LYPD6: variants seen among roughly 807,000 people sequenced by gnomAD.
LYPD6 encodes ly6/PLAUR domain-containing protein 6.
Under a neutral mutation model 22.7 loss-of-function variants are expected in LYPD6, and 15 were observed. That is an observed-to-expected ratio of 0.66 (90% confidence interval 0.44 to 1.02). The LOEUF is 1.02. LYPD6 is among the 50% of genes least tolerant of loss of function. LYPD6 has a pLI of 0.00. For synonymous variants in LYPD6, 72 were observed against 77.5 expected (o/e 0.93, Z 0.37); for missense variants, 189 against 208.4 (o/e 0.91, Z 0.57).
chr2:149,381,541 G>C (rs1682064343), intron 1 of LYPD6, among the ~76,000 whole-genome samples: 1 of 152,166 alleles, frequency 6.6e-6, no homozygotes, highest in African/African-American at 2.4e-5. Flanking sequence ...AGTGAAGTCA[G>C]AAAACAGGTC....
chr2:149,437,880 G>A, intron 2 of LYPD6, 54 bp downstream of exon 2: 1 of 1,597,936 alleles, frequency 6.3e-7, no homozygotes, highest in East Asian at 2.2e-5. Flanking sequence ...ATAAGAAGTG[G>A]TTCAAAAACT....
intron 1 of LYPD6, among the ~76,000 whole-genome samples, chr2:149,399,804 A>G (rs1387449962): frequency 6.6e-6 from 1 of 152,108 alleles, no homozygotes; most frequent in Non-Finnish European, 1.5e-5. Flanking sequence ...ACAGTCTAAC[A>G]CACCCAAAAT....
intron 1 of LYPD6, among the ~76,000 whole-genome samples, chr2:149,346,384 T>A (rs970151191): frequency 6.6e-6 from 1 of 152,218 alleles, no homozygotes; most frequent in Non-Finnish European, 1.5e-5. Flanking sequence ...GGGAGAGACC[T>A]GAGTCCTCTC....
intron 3 of LYPD6, among the ~76,000 whole-genome samples, chr2:149,459,384 G>A (rs1282388929): frequency 1.3e-5 from 2 of 152,158 alleles, no homozygotes; most frequent in Non-Finnish European, 2.9e-5. Flanking sequence ...TACCTTAAAA[G>A]AATGGCTGAA....
At chr2:149,360,886 A>G (rs931701646) in intron 1 of LYPD6, among the ~76,000 whole-genome samples, 9 of 152,112 alleles carry the variant, frequency 5.9e-5, no homozygotes, top group African/African-American at 2.2e-4. Context: ...AGCCCATTCA[A>G]TGTTCCTAAT....
At chr2:149,457,099 G>A (rs1478509855) in intron 3 of LYPD6, among the ~76,000 whole-genome samples, 1 of 152,182 alleles carries the variant, frequency 6.6e-6, no homozygotes. Flanking sequence ...CTTGTTGGAT[G>A]TATATTGAGG....
downstream of LYPD6, among the ~76,000 whole-genome samples, chr2:149,478,399 T>TGTGTGTGTGCGC (rs1491190671): frequency 1.1e-4 from 16 of 149,980 alleles, no homozygotes; most frequent in African/African-American, 2.0e-4. Context: ...TGTGTGTGTG[T>TGTGTGTGTGCGC]GCGCGCACGC....
intron 1 of LYPD6, among the ~76,000 whole-genome samples, chr2:149,363,216 CTAAT>C (rs1681602379): frequency 2.6e-5 from 4 of 152,162 alleles, no homozygotes; most frequent in Non-Finnish European, 5.9e-5. Context: ...CTGACCTTGA[CTAAT>C]CAAGAGAATT....
chr2:149,471,215 G>A lies in LYPD6; in HGVS notation c.*365G>A. ...AAGATATTAGGAGTATGTTATAGGGGCATGTATAGATGTGGGCTTTTCAGG... is the reference window on the plus strand; with the variant it reads ...AAGATATTAGGAGTATGTTATAGGGACATGTATAGATGTGGGCTTTTCAGG... On this transcript the variant is annotated 3_prime_UTR_variant, in exon 5 of 5. Transcript: ENST00000334166. 6.0e-6 allele frequency: 1 copy of A among 166,796 alleles called. No homozygotes were observed. Among genetic ancestry groups the A allele is most frequent in the Non-Finnish European group, 1.3e-5 (1 of 77,530 alleles). The allele number at this position is 166,796 out of a possible 1,614,324, so 10.3% of individuals were successfully genotyped here.
chr2:149,453,446 G>C (rs2105166699), intron 3 of LYPD6, among the ~76,000 whole-genome samples: 1 of 152,324 alleles, frequency 6.6e-6, no homozygotes, highest in East Asian at 1.9e-4. Flanking sequence ...CCTTAATTAT[G>C]AAGTACAGAT....
At chr2:149,367,245 A>G (rs1681691230) in intron 1 of LYPD6, among the ~76,000 whole-genome samples, 1 of 152,166 alleles carries the variant, frequency 6.6e-6, no homozygotes, top group Non-Finnish European at 1.5e-5. Flanking sequence ...CTGAAAGCTC[A>G]ACCGGGAAAG....
intron 1 of LYPD6, among the ~76,000 whole-genome samples, chr2:149,402,114 G>T (rs1368302261): frequency 2.0e-5 from 3 of 151,598 alleles, no homozygotes; most frequent in Admixed American, 2.0e-4. Flanking sequence ...CGTTCTGCAC[G>T]TGTATCCCAG....
the LYPD6 span, among the ~76,000 whole-genome samples, chr2:149,482,335 A>G: frequency 6.6e-6 from 1 of 152,204 alleles, no homozygotes; most frequent in African/African-American, 2.4e-5. Context: ...GATATTCTCT[A>G]TCATAACCAG....
chr2:149,374,116 A>G (rs999022447), intron 1 of LYPD6, among the ~76,000 whole-genome samples: 1 of 152,158 alleles, frequency 6.6e-6, no homozygotes, highest in Non-Finnish European at 1.5e-5. Flanking sequence ...GTATCCTTGG[A>G]GGCTAAATGG....
At chr2:149,443,573 G>C (rs1206268603) in intron 2 of LYPD6, among the ~76,000 whole-genome samples, 1 of 151,962 alleles carries the variant, frequency 6.6e-6, no homozygotes, top group Non-Finnish European at 1.5e-5. Flanking sequence ...ATCTTTGAAA[G>C]TTGTTTATAT....
chr2:149,456,363 G>C (rs1680957923), intron 3 of LYPD6, among the ~76,000 whole-genome samples: 1 of 152,138 alleles, frequency 6.6e-6, no homozygotes, highest in Admixed American at 6.5e-5. Flanking sequence ...GCAGCACCCT[G>C]ATTAAGAAAT....
At chr2:149,484,846 T>C in the LYPD6 span, among the ~76,000 whole-genome samples, 1 of 152,144 alleles carries the variant, frequency 6.6e-6, no homozygotes, top group African/African-American at 2.4e-5. Context: ...ACTGCGTTTT[T>C]GGTGTTATTT....
intron 1 of LYPD6, among the ~76,000 whole-genome samples, chr2:149,352,993 A>T (rs1171857084): frequency 6.6e-6 from 1 of 152,192 alleles, no homozygotes; most frequent in Non-Finnish European, 1.5e-5. Context: ...TCTCAAGAGG[A>T]CTGCATCTCT....
chr2:149,375,722 C>T (rs768985931), intron 1 of LYPD6, among the ~76,000 whole-genome samples: 3 of 152,012 alleles, frequency 2.0e-5, no homozygotes, highest in Non-Finnish European at 2.9e-5. Context: ...GTTATTATTG[C>T]TGTTTGTTAT....
Sources: gnomAD v4.1 joint callset for allele counts (sites outside exome capture counted in the v4.1 genomes callset) on GRCh38, gnomAD v4.1.1 for gene constraint, MANE v1.5 for transcripts, NCBI Gene and HGNC (gene_info 2026-07-23, HGNC 2026-07-21) for gene names.